Variants in RBFOX1 observed in about 807,000 individuals in gnomAD.
RBFOX1 encodes RNA binding protein fox-1 homolog 1.
In RBFOX1, 8 loss-of-function variants were observed where a neutral mutation model predicts 57.7. The observed-to-expected ratio is 0.14, with a 90% CI of 0.08 to 0.25. The LOEUF is 0.25. RBFOX1 is among the 10% of genes least tolerant of loss of function. The pLI, the probability that RBFOX1 is intolerant of heterozygous loss-of-function variation, is 1.00. For synonymous variants in RBFOX1, 326 were observed against 222.4 expected, an observed-to-expected ratio of 1.47 and a Z score of -4.15; for missense variants, 611 against 548.5, an observed-to-expected ratio of 1.11 and a Z score of -1.14.
chr16:5,760,160 C>A (rs1269240216), intron 3 of RBFOX1, among the ~76,000 whole-genome samples: 2 of 152,038 alleles, frequency 1.3e-5, no homozygotes. Flanking sequence ...ACCAGGTTGT[C>A]CAGATTTGCC....
chr16:6,569,643 CCTTT>C (rs2097316678), intron 2 of RBFOX1, among the ~76,000 whole-genome samples: 1 of 152,130 alleles, frequency 6.6e-6, no homozygotes, highest in Non-Finnish European at 1.5e-5. Context: ...GCTCTGTCAA[CCTTT>C]CTGTCCATGG....
intron 3 of RBFOX1, among the ~76,000 whole-genome samples, chr16:5,669,909 A>G (rs1382833565): frequency 6.6e-6 from 1 of 152,240 alleles, no homozygotes; most frequent in Non-Finnish European, 1.5e-5. Context: ...ATTGTTCACA[A>G]TATCCAAAAG....
rs370315537 is a variant in RBFOX1 at position 6,255,769 on chromosome 16, G to A, written c.-126-61226G>A. 2.6e-4 allele frequency among the ~76,000 whole-genome samples: 39 copies of A among 151,960 alleles called. 2 individuals carry two copies. Among genetic ancestry groups the A allele is most frequent in the Admixed American group, 9.2e-4 (14 of 15,238 alleles). ...GACATGGATGAAGCTGGAAACCGTCGTTCTCACCAACTAACACAGGAACAA... is the reference window on the plus strand; with the variant it reads ...GACATGGATGAAGCTGGAAACCGTCATTCTCACCAACTAACACAGGAACAA... On this transcript the variant is annotated intron_variant, in intron 1 of 15. Transcript: ENST00000550418.
chr16:7,288,053 G>C (rs2095685426), intron 4 of RBFOX1, among the ~76,000 whole-genome samples: 1 of 152,154 alleles, frequency 6.6e-6, no homozygotes, highest in Admixed American at 6.5e-5. Flanking sequence ...AGAAGGGAAG[G>C]AGTAACATGG....
At chr16:6,955,369 CACACGTGCACAT>C (rs907999224) in intron 3 of RBFOX1, among the ~76,000 whole-genome samples, 2 of 149,682 alleles carry the variant, frequency 1.3e-5, no homozygotes, top group African/African-American at 2.4e-5. Context: ...CACACACACA[CACACGTGCACAT>C]ACACACACTC....
intron 2 of RBFOX1, among the ~76,000 whole-genome samples, chr16:6,391,948 G>C (rs2092624187): frequency 6.6e-6 from 1 of 152,198 alleles, no homozygotes; most frequent in Admixed American, 6.5e-5. Flanking sequence ...TTCAGAGAAA[G>C]TCAGGGAAGA....
chr16:7,463,923 G>A (rs1276412538), intron 4 of RBFOX1, among the ~76,000 whole-genome samples: 5 of 152,154 alleles, frequency 3.3e-5, no homozygotes, highest in Admixed American at 1.3e-4. Flanking sequence ...CATTTTACAT[G>A]TATATTTTTT....
At chr16:6,808,471 A>G (rs1434263218) in intron 3 of RBFOX1, among the ~76,000 whole-genome samples, 1 of 152,082 alleles carries the variant, frequency 6.6e-6, no homozygotes, top group African/African-American at 2.4e-5. Context: ...TTGCTTCCCC[A>G]GTGAATAGCT....
intron 3 of RBFOX1, among the ~76,000 whole-genome samples, chr16:6,669,342 G>T (rs868764738): frequency 6.6e-6 from 1 of 152,136 alleles, no homozygotes; most frequent in Non-Finnish European, 1.5e-5. Context: ...AAGTTACAAG[G>T]CTTTTTGGGC....
At chr16:6,351,370 A>C (rs185941177) in intron 2 of RBFOX1, among the ~76,000 whole-genome samples, 13 of 100,504 alleles carry the variant, frequency 1.3e-4, no homozygotes, top group African/African-American at 2.6e-4. Context: ...ATATATATAT[A>C]TATTTTTTTT....
intron 2 of RBFOX1, among the ~76,000 whole-genome samples, chr16:6,385,668 A>G (rs945569985): frequency 6.6e-6 from 1 of 152,230 alleles, no homozygotes; most frequent in African/African-American, 2.4e-5. Context: ...AATGGACACA[A>G]TAACAAACCT....
intron 3 of RBFOX1, among the ~76,000 whole-genome samples, chr16:6,798,566 C>G (rs1434091673): frequency 6.6e-6 from 1 of 152,182 alleles, no homozygotes; most frequent in Non-Finnish European, 1.5e-5. Context: ...GCCATGCTAA[C>G]TAAGATAACA....
intron 2 of RBFOX1, among the ~76,000 whole-genome samples, chr16:6,523,246 G>A (rs2096533272): frequency 6.6e-6 from 1 of 152,036 alleles, no homozygotes; most frequent in Non-Finnish European, 1.5e-5. Context: ...AATACCTGAG[G>A]AGGGAAGGAA....
intron 1 of RBFOX1, among the ~76,000 whole-genome samples, chr16:5,381,811 G>A (rs2066137825): frequency 2.6e-5 from 4 of 152,202 alleles, no homozygotes. Flanking sequence ...TAGAACCAAG[G>A]CTCAGAGAGG....
intron 4 of RBFOX1, among the ~76,000 whole-genome samples, chr16:7,344,316 A>T (rs894505439): frequency 4.6e-5 from 7 of 150,634 alleles, no homozygotes; most frequent in Non-Finnish European, 8.9e-5. Context: ...GGGCTAAAAA[A>T]AACTGATAGA....
Position 5,337,761 on chromosome 16 carries a change from G to A in RBFOX1, c.219+97656G>A, listed in dbSNP as rs1476807937. ...TGAGAAACAGTTGTGGCCATTGACT[G>A]AAGGTAGAAACTCTGAGAGGGCAAG... On this transcript the variant is annotated intron_variant, in intron 1 of 2. Transcript: ENST00000585867. 2.0e-5 allele frequency among the ~76,000 whole-genome samples: 3 copies of A among 152,190 alleles called. No individual in the cohort carries two copies. The East Asian group carries it at 5.8e-4, about 29-fold the overall frequency.
At chr16:6,852,561 T>A (rs1022373159) in intron 3 of RBFOX1, among the ~76,000 whole-genome samples, 2 of 152,224 alleles carry the variant, frequency 1.3e-5, no homozygotes, top group African/African-American at 4.8e-5. Context: ...TGGTGGCAAC[T>A]AGCTGTCCAG....
chr16:5,591,379 G>A (rs370425730), intron 2 of RBFOX1, among the ~76,000 whole-genome samples: 13 of 151,722 alleles, frequency 8.6e-5, no homozygotes, highest in African/African-American at 3.1e-4. Flanking sequence ...AGCCTCCCTA[G>A]TAGCTGGGAC....
intron 4 of RBFOX1, among the ~76,000 whole-genome samples, chr16:5,976,286 G>A (rs1422413422): frequency 6.6e-6 from 1 of 152,196 alleles, no homozygotes. Context: ...ACAGAGTTCT[G>A]TGAGCACACG....
Sources: allele counts gnomAD v4.1 joint callset (sites outside exome capture counted in the v4.1 genomes callset), GRCh38; gene constraint gnomAD v4.1.1; transcripts MANE v1.5; gene names NCBI Gene and HGNC (gene_info 2026-07-23, HGNC 2026-07-21).